SMOC2: variants seen among roughly 807,000 people sequenced by gnomAD.
SMOC2 encodes SPARC related modular calcium binding 2.
A neutral mutation model predicts 61.4 loss-of-function variants in SMOC2; 39 were observed. The observed-to-expected ratio is 0.64, with a 90% CI of 0.49 to 0.83. The LOEUF (loss-of-function observed/expected upper bound fraction) is 0.83. SMOC2 is among the 40% of genes least tolerant of loss of function. The pLI, the probability that SMOC2 is intolerant of heterozygous loss-of-function variation, is 0.00. For missense variants in SMOC2, 556 were observed against 592.9 expected (o/e 0.94, Z 0.65); for synonymous variants, 247 against 239.9 (o/e 1.03, Z -0.27).
chr6:168,610,547 T>C (rs1785832135), intron 9 of SMOC2, among the ~76,000 whole-genome samples: 1 of 152,230 alleles, frequency 6.6e-6, no homozygotes, highest in African/African-American at 2.4e-5. Context: ...ATGTATTTTA[T>C]TCTTAAAAGG....
intron 4 of SMOC2, among the ~76,000 whole-genome samples, chr6:168,538,085 G>A (rs1470576974): frequency 6.6e-6 from 1 of 151,196 alleles, no homozygotes; most frequent in Admixed American, 6.6e-5. Context: ...TGGGATGTGG[G>A]GGAGTGGGGT....
At chr6:168,551,422 ATTTT>A (rs1359864752) in intron 7 of SMOC2, among the ~76,000 whole-genome samples, 10 of 140,150 alleles carry the variant, frequency 7.1e-5, no homozygotes, top group Non-Finnish European at 1.5e-4. Flanking sequence ...AATATACTTT[ATTTT>A]ATTTATTTAT....
chr6:168,571,823 T>G (rs28437724), intron 7 of SMOC2, among the ~76,000 whole-genome samples: 1,543 of 130,138 alleles, frequency 0.012, 34 homozygotes, highest in African/African-American at 0.03. Flanking sequence ...CCCTGGGTGC[T>G]GGGACCAGGG....
At chr6:168,523,519 C>T (rs9295067) in intron 2 of SMOC2, among the ~76,000 whole-genome samples, 74,909 of 150,670 alleles carry the variant, frequency 0.5, 21,942 homozygotes, top group Non-Finnish European at 0.67. Flanking sequence ...TCCAGAGTAG[C>T]TGGGAACACA....
chr6:168,487,607 C>T (rs561259421), intron 1 of SMOC2, among the ~76,000 whole-genome samples: 8 of 152,162 alleles, frequency 5.3e-5, no homozygotes, highest in East Asian at 3.9e-4. Flanking sequence ...TGGATTGAAG[C>T]GATTCTACTG....
chr6:168,441,527 C>A (rs1197073463), intron 1 of SMOC2, 73 bp downstream of exon 1: 2 of 1,414,954 alleles, frequency 1.4e-6, no homozygotes, highest in Non-Finnish European at 1.8e-6. Flanking sequence ...CGGGTCCCCG[C>A]GCCCCGCTCC....
At chr6:168,579,869 G>A (rs921330557) in intron 7 of SMOC2, among the ~76,000 whole-genome samples, 2 of 152,174 alleles carry the variant, frequency 1.3e-5, no homozygotes, top group African/African-American at 4.8e-5. Context: ...GGCTAACTTC[G>A]ACTCCGGTTT....
At chr6:168,508,080 C>A (rs1206230326) in intron 1 of SMOC2, among the ~76,000 whole-genome samples, 1 of 152,194 alleles carries the variant, frequency 6.6e-6, no homozygotes, top group Non-Finnish European at 1.5e-5. Context: ...CTGGTGAGGT[C>A]TGGGGCTCCC....
At chr6:168,556,742 C>A (rs1784261792) in intron 7 of SMOC2, among the ~76,000 whole-genome samples, 1 of 108,780 alleles carries the variant, frequency 9.2e-6, no homozygotes, top group Non-Finnish European at 1.8e-5. Context: ...TCCCTCCCCC[C>A]TCCCCCCACC....
intron 9 of SMOC2, among the ~76,000 whole-genome samples, chr6:168,638,185 C>A (rs566972880): frequency 3.1e-4 from 47 of 152,228 alleles, no homozygotes; most frequent in African/African-American, 1.1e-3. Flanking sequence ...GCTGATTGGG[C>A]CACAGACTTT....
At chr6:168,517,437 G>A (rs1057075341) in intron 2 of SMOC2, among the ~76,000 whole-genome samples, 1 of 152,234 alleles carries the variant, frequency 6.6e-6, no homozygotes. Context: ...GCGGCTTCAC[G>A]TCTGATGTGG....
chr6:168,512,152 CG>C (rs1783024497), intron 2 of SMOC2, among the ~76,000 whole-genome samples: 2 of 152,066 alleles, frequency 1.3e-5, no homozygotes, highest in South Asian at 4.2e-4. Flanking sequence ...CAGGAGGGCC[CG>C]AGAGGGAAGT....
chr6:168,486,740 G>A (rs754270214), intron 1 of SMOC2, among the ~76,000 whole-genome samples: 13 of 151,776 alleles, frequency 8.6e-5, no homozygotes, highest in Non-Finnish European at 1.5e-4. Context: ...TTCTATTGTG[G>A]TTCAACGGCA....
intron 1 of SMOC2, among the ~76,000 whole-genome samples, chr6:168,445,511 C>A (rs1246272739): frequency 6.6e-6 from 1 of 152,138 alleles, no homozygotes; most frequent in Non-Finnish European, 1.5e-5. Flanking sequence ...GCTGAAACAG[C>A]CAAAATAAAA....
At chr6:168,598,298 G>A (rs922126733) in intron 7 of SMOC2, among the ~76,000 whole-genome samples, 2 of 152,224 alleles carry the variant, frequency 1.3e-5, no homozygotes, top group African/African-American at 4.8e-5. Flanking sequence ...TGGGGGTGGG[G>A]GATGGACGAT....
chr6:168,492,925 G>A (rs577736288), intron 1 of SMOC2, among the ~76,000 whole-genome samples: 4 of 152,328 alleles, frequency 2.6e-5, no homozygotes, highest in African/African-American at 7.2e-5. Context: ...ACTGCATGAC[G>A]TCGTAAGGCT....
At chr6:168,519,418 C>T (rs1005003622) in intron 2 of SMOC2, among the ~76,000 whole-genome samples, 2 of 152,170 alleles carry the variant, frequency 1.3e-5, no homozygotes, top group East Asian at 3.8e-4. Context: ...GTGCTTGTGT[C>T]TTGCAGAAAC....
intron 1 of SMOC2, among the ~76,000 whole-genome samples, chr6:168,463,055 C>G (rs183748103): frequency 2.3e-3 from 356 of 152,334 alleles, no homozygotes; most frequent in African/African-American, 8.3e-3. Context: ...CGGTCCCATT[C>G]CCACAGGGGA....
Position 168,509,975 on chromosome 6 carries a change from C to T in SMOC2, c.145C>T (p.Gln49Ter). The T allele has an allele frequency of 6.2e-7, 1 of 1,614,170 alleles. No individual in the cohort carries two copies. The highest frequency in any genetic ancestry group is 8.5e-7 in the Non-Finnish European group (1 of 1,180,032). The change falls in exon 2 of 13, where the codon CAG (glutamine) becomes TAG (stop). Residue 49 changes from glutamine (Q) to a stop codon, truncating the protein, a stop_gained. Coordinates refer to ENST00000356284, the MANE Select transcript of SMOC2 (RefSeq NM_001166412.2). LOFTEE classifies it high-confidence loss of function. ...DCSLDCAGSP[Q>*]KPLCASDGRT... is the part of the protein sequence containing the mutation. ...TAGCTTGGACTGTGCGGGTTCGCCCCAGAAACCTCTCTGCGCATCTGACGG... is the reference window on the plus strand; with the variant it reads ...TAGCTTGGACTGTGCGGGTTCGCCCTAGAAACCTCTCTGCGCATCTGACGG...
Sources: gnomAD v4.1 joint callset for allele counts (sites outside exome capture counted in the v4.1 genomes callset) on GRCh38, gnomAD v4.1.1 for gene constraint, MANE v1.5 for transcripts, NCBI Gene and HGNC (gene_info 2026-07-23, HGNC 2026-07-21) for gene names.